The following SASH1 variants were observed in gnomAD, a reference collection of about 807,000 sequenced individuals.
SASH1 encodes SAM and SH3 domain containing 1, also known as SAM and SH3 domain-containing protein 1.
SASH1 carries 44 observed loss-of-function variants against 125.2 expected under a neutral mutation model. The observed-to-expected ratio is 0.35, with a 90% CI of 0.28 to 0.45. SASH1 has a LOEUF of 0.45. Among genes scored for constraint, SASH1 ranks in the 20% least tolerant of loss-of-function variants. The pLI, the probability that SASH1 is intolerant of heterozygous loss-of-function variation, is 1.00. For missense variants in SASH1, 1,426 were observed against 1,614.5 expected (o/e 0.88, Z 2.00); for synonymous variants, 639 against 649.1 (o/e 0.98, Z 0.24).
the SASH1 span, among the ~76,000 whole-genome samples, chr6:148,266,225 T>C: frequency 2.6e-5 from 4 of 152,280 alleles, no homozygotes; most frequent in Non-Finnish European, 5.9e-5. Context: ...CCACCCAGCC[T>C]CCCAAAGTGC....
intron 1 of SASH1, among the ~76,000 whole-genome samples, chr6:148,329,638 ATG>A (rs1780931886): frequency 6.6e-6 from 1 of 152,096 alleles, no homozygotes; most frequent in Admixed American, 6.6e-5. Flanking sequence ...GTGAGTGTGT[ATG>A]TGTGTGTGTC....
At chr6:148,253,663 G>C in the SASH1 span, among the ~76,000 whole-genome samples, 1 of 152,112 alleles carries the variant, frequency 6.6e-6, no homozygotes, top group African/African-American at 2.4e-5. Context: ...ACAAGATCAG[G>C]AGTTTGAGAC....
chr6:148,275,461 C>T (rs1164302088), intron 1 of SASH1, among the ~76,000 whole-genome samples: 1 of 152,128 alleles, frequency 6.6e-6, no homozygotes, highest in Admixed American at 6.6e-5. Context: ...CTGGCAAACT[C>T]TCGATCAGCT....
At chr6:148,421,162 A>G (rs186646105) in intron 2 of SASH1, among the ~76,000 whole-genome samples, 2,169 of 88,672 alleles carry the variant, frequency 0.024, 74 homozygotes, top group African/African-American at 0.043. Context: ...AGAAAGAAAG[A>G]AAGAAAGAAA....
chr6:148,331,103 T>C (rs959498644), intron 1 of SASH1, among the ~76,000 whole-genome samples: 7 of 152,132 alleles, frequency 4.6e-5, no homozygotes, highest in Non-Finnish European at 1.5e-5. Context: ...TTAAACAGTA[T>C]GGGATGCAAT....
intron 8 of SASH1, chr6:148,512,445 A>G (rs1389187791): frequency 2.0e-6 from 2 of 984,058 alleles, no homozygotes; most frequent in African/African-American, 3.5e-5. Context: ...AAATGTTTAT[A>G]TGTAATTCCA....
the SASH1 span, among the ~76,000 whole-genome samples, chr6:148,208,167 C>T: frequency 5.2e-3 from 792 of 152,194 alleles, 9 homozygotes; most frequent in African/African-American, 0.018. Context: ...ATGGAGCTCG[C>T]GAGATGGGTT....
chr6:148,424,850 G>A (rs1775741174), intron 2 of SASH1, among the ~76,000 whole-genome samples: 1 of 152,206 alleles, frequency 6.6e-6, no homozygotes, highest in Admixed American at 6.5e-5. Flanking sequence ...TGGCTCCTCA[G>A]CCTGTAGCAT....
chr6:148,445,683 T>C (rs1197185446), intron 4 of SASH1, among the ~76,000 whole-genome samples: 2 of 152,124 alleles, frequency 1.3e-5, no homozygotes, highest in Non-Finnish European at 2.9e-5. Context: ...TGCTGCATCT[T>C]CTAGGTGGGA....
At chr6:148,517,288 T>C (rs1277252508) in intron 9 of SASH1, among the ~76,000 whole-genome samples, 1 of 152,178 alleles carries the variant, frequency 6.6e-6, no homozygotes, top group Non-Finnish European at 1.5e-5. Context: ...AGAGCCGGGC[T>C]GGATGCAGAG....
At chr6:148,237,433 T>C in the SASH1 span, among the ~76,000 whole-genome samples, 1 of 152,234 alleles carries the variant, frequency 6.6e-6, no homozygotes. Context: ...CTATAAGTTT[T>C]GCCTATATCG....
chr6:148,236,055 G>A, the SASH1 span, among the ~76,000 whole-genome samples: 2 of 152,106 alleles, frequency 1.3e-5, no homozygotes, highest in African/African-American at 4.8e-5. Flanking sequence ...AGGACTCTTG[G>A]AGACTTCATA....
chr6:148,299,923 G>T (rs1441480050), intron 1 of SASH1, among the ~76,000 whole-genome samples: 2 of 152,142 alleles, frequency 1.3e-5, no homozygotes, highest in East Asian at 3.9e-4. Context: ...TTTAGGAGTA[G>T]ATAATGTTGT....
intron 4 of SASH1, among the ~76,000 whole-genome samples, chr6:148,442,977 T>C (rs958897486): frequency 6.6e-6 from 1 of 151,940 alleles, no homozygotes; most frequent in Non-Finnish European, 1.5e-5. Context: ...GGTTTCACCA[T>C]GTTGGGCAGA....
At chr6:148,322,865 A>ACCTTTCTTTCTTTCTTTCTG (rs1554234510) in intron 1 of SASH1, among the ~76,000 whole-genome samples, 1 of 143,126 alleles carries the variant, frequency 7.0e-6, no homozygotes, top group African/African-American at 2.5e-5. Flanking sequence ...CATCCAAATC[A>ACCTTTCTTTCTTTCTTTCTG]TCTTTCTTTC....
At chr6:148,379,926 A>T (rs967206083) in intron 1 of SASH1, 13 of 456,410 alleles carry the variant, frequency 2.8e-5, no homozygotes, top group Admixed American at 2.6e-4. Flanking sequence ...CAGGCCCAGG[A>T]TTTTAAAGCA....
intron 1 of SASH1, among the ~76,000 whole-genome samples, chr6:148,378,290 G>C (rs920363352): frequency 6.6e-6 from 1 of 151,824 alleles, no homozygotes; most frequent in Admixed American, 6.6e-5. Context: ...CCAACTTCAG[G>C]TGATCCACCC....
At chr6:148,195,696 G>A in the SASH1 span, among the ~76,000 whole-genome samples, 1 of 152,162 alleles carries the variant, frequency 6.6e-6, no homozygotes, top group Non-Finnish European at 1.5e-5. Context: ...GGTGCCTCGG[G>A]GAGCTGGTGG....
the SASH1 span, among the ~76,000 whole-genome samples, chr6:148,210,331 C>T: frequency 6.6e-6 from 1 of 152,154 alleles, no homozygotes; most frequent in Non-Finnish European, 1.5e-5. Flanking sequence ...AGTTCAAGAC[C>T]AGCCTGACTA....
Sources: allele counts gnomAD v4.1 joint callset (sites outside exome capture counted in the v4.1 genomes callset), GRCh38; gene constraint gnomAD v4.1.1; transcripts MANE v1.5; gene names NCBI Gene and HGNC (gene_info 2026-07-23, HGNC 2026-07-21).